TAB2: variants seen among roughly 807,000 people sequenced by gnomAD.
TAB2 encodes TGF-beta-activated kinase 1 and MAP3K7-binding protein 2.
In TAB2, 3 loss-of-function variants were observed where a neutral mutation model predicts 65.0. That is an observed-to-expected ratio of 0.05 (90% CI 0.02 to 0.12). TAB2 has a LOEUF of 0.12. Ranked by LOEUF, TAB2 falls within the 10% of genes least tolerant of loss-of-function variation. TAB2 has a pLI of 1.00. For synonymous variants in TAB2, 298 were observed against 285.1 expected, an observed-to-expected ratio of 1.05 and a Z score of -0.46; for missense variants, 623 against 840.3, an observed-to-expected ratio of 0.74 and a Z score of 3.20.
chr6:149,316,399 A>T (rs34748017), upstream of TAB2, among the ~76,000 whole-genome samples: 4,115 of 152,158 alleles, frequency 0.027, 88 homozygotes, highest in African/African-American at 0.059. Context: ...AAGATGGTTT[A>T]AAAAAAATTC....
At chr6:149,353,180 G>T (rs1780546865) in intron 1 of TAB2, among the ~76,000 whole-genome samples, 1 of 152,038 alleles carries the variant, frequency 6.6e-6, no homozygotes, top group Admixed American at 6.6e-5. Flanking sequence ...CTCATTATCA[G>T]GTTTGAGTTA....
At chr6:149,312,822 ATAAT>A (rs1209916470), upstream of TAB2, among the ~76,000 whole-genome samples, 1 of 152,256 alleles carries the variant, frequency 6.6e-6, no homozygotes, top group Non-Finnish European at 1.5e-5. Flanking sequence ...CTGAATTGTG[ATAAT>A]TAACATATCA....
chr6:149,300,090 A>G (rs935597166), intron 1 of TAB2, among the ~76,000 whole-genome samples: 2 of 152,074 alleles, frequency 1.3e-5, no homozygotes, highest in African/African-American at 4.8e-5. Flanking sequence ...ATTTTTGAAG[A>G]ATTTTTGTCT....
At chr6:149,234,948 A>C (rs996721208) in intron 1 of TAB2, among the ~76,000 whole-genome samples, 1 of 152,188 alleles carries the variant, frequency 6.6e-6, no homozygotes, top group Admixed American at 6.5e-5. Context: ...CCATGTAACA[A>C]GAATAAACAC....
Position 149,334,167 on chromosome 6 carries a change from A to G in TAB2, c.-90+16152A>G, listed in dbSNP as rs552961793. Among the ~76,000 whole-genome samples, 10 of 152,262 alleles carry G rather than the reference A, an allele frequency of 6.6e-5. No individual in the cohort carries two copies. The East Asian group carries it at 1.9e-3, about 29-fold the overall frequency. The stretch of plus-strand genomic sequence containing the variant: ...GGCTTTCTTGATACCATTCTTCCCA[A>G]CATTTTCTCTGCCTGATTTTTCTGA... On this transcript the variant is annotated intron_variant, in intron 1 of 6. Transcript: ENST00000637181.
rs75801581 is a variant in TAB2 at position 149,231,192 on chromosome 6, T to G, written c.-121+12416T>G. Among the ~76,000 whole-genome samples, 210 of 152,282 alleles carry G rather than the reference T, an allele frequency of 1.4e-3. 4 individuals carry two copies. The East Asian group carries it at 0.034, about 25-fold the overall frequency. ...TTTTACACCAGTATTTGGGGAACAT[T>G]AGGAAGGGGAGACGAAATGTGGACA... On this transcript the variant is annotated intron_variant, in intron 1 of 1. Coordinates refer to the TAB2 transcript ENST00000606202.
Position 149,378,033 on chromosome 6 carries a change from G to A in TAB2, c.118G>A (p.Asp40Asn), listed in dbSNP as rs777152410. The A allele has an allele frequency of 1.9e-6, 3 of 1,613,854 alleles. No homozygotes were observed. Among genetic ancestry groups the A allele is most frequent in the East Asian group, 2.2e-5 (1 of 44,884 alleles). The change falls in exon 3 of 7, where the codon GAT becomes AAT. Residue 40 changes from aspartate (D) to asparagine (N), a missense_variant. Asp to Asn is a conservative substitution (Grantham distance 23). This residue lies in a region of TAB2 where 550 missense variants were observed against 665.7 expected (regional missense o/e 0.83). Coordinates refer to ENST00000637181, the MANE Select transcript of TAB2 (RefSeq NM_001292034.3). ...GTTTTCATAGAATAATAATAACCTG[G>A]ATGCCTGCTGTGCTGTTCTCTCTCA... is the stretch of plus-strand genomic sequence containing the variant. ...RCMLQNNNNL[D>N]ACCAVLSQES...
At chr6:149,400,319 C>T in intron 6 of TAB2, 1 of 1,518,908 alleles carries the variant, frequency 6.6e-7, no homozygotes, top group Non-Finnish European at 8.9e-7. Context: ...CTTCCTGCTG[C>T]TCGTGTACTC....
chr6:149,409,662 T>C lies in TAB2; in HGVS notation c.2025T>C (p.Phe675=), dbSNP rs1337294615. The change falls in exon 7 of 7, where the codon TTT becomes TTC. Residue 675 remains phenylalanine, a synonymous_variant. Transcript: ENST00000637181. ...AGTGGAATTGTACCGCCTGTACTTT[T>C]TTGAACCATCCAGCCTTAATTCGCT... is the stretch of plus-strand genomic sequence containing the variant. ...GAQWNCTACT[F]LNHPALIRCE... 1.9e-6 allele frequency: 3 copies of C among 1,614,090 alleles called. No homozygotes were observed. Among genetic ancestry groups the C allele is most frequent in the African/African-American group, 2.7e-5 (2 of 74,948 alleles).
intron 1 of TAB2, among the ~76,000 whole-genome samples, chr6:149,337,364 G>T (rs1426972473): frequency 1.3e-5 from 2 of 152,086 alleles, no homozygotes; most frequent in Admixed American, 1.3e-4. Context: ...ACCACTCTGA[G>T]GGGGACTCTG....
intron 1 of TAB2, among the ~76,000 whole-genome samples, chr6:149,223,410 A>C (rs1777197736): frequency 6.6e-6 from 1 of 152,256 alleles, no homozygotes; most frequent in Non-Finnish European, 1.5e-5. Flanking sequence ...CAGCTCTGAC[A>C]TGAAATGATT....
chr6:149,375,265 A>G (rs951751296), intron 2 of TAB2, among the ~76,000 whole-genome samples: 1 of 152,142 alleles, frequency 6.6e-6, no homozygotes, highest in African/African-American at 2.4e-5. Flanking sequence ...TCTCTTTTAT[A>G]TATGTTTAAA....
At chr6:149,353,678 C>T (rs10872636) in intron 1 of TAB2, among the ~76,000 whole-genome samples, 35,708 of 152,048 alleles carry the variant, frequency 0.23, 4,395 homozygotes, top group Non-Finnish European at 0.26. Flanking sequence ...AAATGGTCCA[C>T]GTACAAAAAA....
intron 6 of TAB2, among the ~76,000 whole-genome samples, chr6:149,403,244 AAAAATATATATATATATATATAT>A (rs1319448988): frequency 1.2e-4 from 6 of 49,938 alleles, no homozygotes; most frequent in Middle Eastern, 8.3e-3. Context: ...TAAAAAAAAA[AAAAATATATATATATATATATAT>A]ATATATATAT....
At chr6:149,349,275 C>G (rs1452129886) in intron 1 of TAB2, among the ~76,000 whole-genome samples, 1 of 151,730 alleles carries the variant, frequency 6.6e-6, no homozygotes, top group Non-Finnish European at 1.5e-5. Flanking sequence ...AAAAACTTAG[C>G]CAGGCACGGT....
In TAB2 at chr6:149,291,954, A is replaced by G. The variant is rs370045862; in HGVS notation, c.-121+73178A>G. 4.0e-4 allele frequency among the ~76,000 whole-genome samples: 61 copies of G among 152,352 alleles called. 1 individual carries two copies. Among genetic ancestry groups the G allele is most frequent in the Non-Finnish European group, 2.9e-4 (20 of 68,028 alleles). ...ATCACAGTGATGTTGCTGGTCATATAAATAGTAGAAGACATGGTGCCAACC... is the reference window on the plus strand; with the variant it reads ...ATCACAGTGATGTTGCTGGTCATATGAATAGTAGAAGACATGGTGCCAACC... On this transcript the variant is annotated intron_variant, in intron 1 of 1. Coordinates refer to the TAB2 transcript ENST00000606202.
At chr6:149,300,533 A>G (rs1389998764) in intron 1 of TAB2, among the ~76,000 whole-genome samples, 1 of 152,212 alleles carries the variant, frequency 6.6e-6, no homozygotes, top group Non-Finnish European at 1.5e-5. Context: ...TTGGACTGAA[A>G]ATTACTCTTC....
chr6:149,282,058 C>A (rs7738419), intron 1 of TAB2, among the ~76,000 whole-genome samples: 2,997 of 152,032 alleles, frequency 0.02, 87 homozygotes, highest in African/African-American at 0.066. Flanking sequence ...CCCAGCTACT[C>A]GGGAGGCTGA....
chr6:149,218,642 G>A (rs1373606249), exon 1 of TAB2: 2 of 405,870 alleles, frequency 4.9e-6, no homozygotes, highest in East Asian at 1.4e-4. Flanking sequence ...CTAATGCTCA[G>A]TGAGGTGAAC....
Sources: allele counts gnomAD v4.1 joint callset (sites outside exome capture counted in the v4.1 genomes callset), GRCh38; gene constraint gnomAD v4.1.1; regional missense constraint gnomAD v4.1.1; transcripts MANE v1.5; gene names NCBI Gene and HGNC (gene_info 2026-07-23, HGNC 2026-07-21).